PIAS2: variants seen among roughly 807,000 people sequenced by gnomAD.
PIAS2 encodes protein inhibitor of activated STAT 2, also known as E3 SUMO-protein ligase PIAS2.
A neutral mutation model predicts 69.7 loss-of-function variants in PIAS2; 19 were observed. The observed-to-expected ratio is 0.27, with a 90% CI of 0.19 to 0.40. The LOEUF (loss-of-function observed/expected upper bound fraction) is 0.40. Ranked by LOEUF, PIAS2 falls within the 10% of genes least tolerant of loss-of-function variation. PIAS2 has a pLI of 1.00. For missense variants in PIAS2, 624 were observed against 757.0 expected, an observed-to-expected ratio of 0.82 and a Z score of 2.06; for synonymous variants, 261 against 263.2, an observed-to-expected ratio of 0.99 and a Z score of 0.08.
At chr18:46,913,772 A>G (rs1484498871) in intron 1 of PIAS2, among the ~76,000 whole-genome samples, 2 of 151,912 alleles carry the variant, frequency 1.3e-5, no homozygotes, top group Admixed American at 1.3e-4. Flanking sequence ...CAGAAACTCA[A>G]CTCCTGCTCT....
intron 1 of PIAS2, among the ~76,000 whole-genome samples, chr18:46,894,570 A>T (rs2054557730): frequency 6.6e-6 from 1 of 152,226 alleles, no homozygotes; most frequent in South Asian, 2.1e-4. Context: ...ATGTGTTGGC[A>T]TAATTAATTG....
At chr18:46,866,908 C>T (rs72909195) in intron 2 of PIAS2, among the ~76,000 whole-genome samples, 7,054 of 152,262 alleles carry the variant, frequency 0.046, 190 homozygotes, top group Non-Finnish European at 0.065. Context: ...TCTGTGAATT[C>T]ACGAATATAA....
chr18:46,864,134 T>C (rs1355258088), intron 3 of PIAS2, 30 bp downstream of exon 3: 1 of 1,281,082 alleles, frequency 7.8e-7, no homozygotes, highest in Non-Finnish European at 1.1e-6. Context: ...CCAATATTCA[T>C]GAGAAATATA....
In PIAS2 at chr18:46,828,014, G is replaced by A. The variant is rs2043057531; in HGVS notation, c.1453C>T (p.Pro485Ser). Residue 485 changes from proline (P) to serine (S), a missense_variant, in exon 11 of 14, where the codon CCT becomes TCT. Pro to Ser is a moderately conservative substitution (Grantham distance 74). Coordinates refer to ENST00000585916, the MANE Select transcript of PIAS2 (RefSeq NM_004671.5). The stretch of plus-strand genomic sequence containing the variant: ...ATAAAGATGCATTTCCTTTTGGCAG[G>A]AGGGTCTTCCTCTTCGTCAGAAGAG... ...ESSSDEEEDP[P>S]AKRKCIFMSE... 1 of 1,613,790 alleles carries A rather than the reference G, an allele frequency of 6.2e-7. No individual in the cohort carries two copies. The highest frequency in any genetic ancestry group is 1.3e-5 in the African/African-American group (1 of 74,904).
intron 13 of PIAS2, among the ~76,000 whole-genome samples, chr18:46,814,211 C>G (rs891639404): frequency 3.3e-5 from 5 of 152,118 alleles, no homozygotes; most frequent in African/African-American, 1.2e-4. Context: ...ATATGGAGGT[C>G]AAGTAGTAAA....
intron 3 of PIAS2, among the ~76,000 whole-genome samples, chr18:46,859,560 T>C (rs1462445932): frequency 6.6e-6 from 1 of 151,440 alleles, no homozygotes; most frequent in Non-Finnish European, 1.5e-5. Flanking sequence ...AAACGAGTAA[T>C]GCAGAAGGAA....
intron 6 of PIAS2, 41 bp from the exon 7 acceptor site, chr18:46,844,880 T>C: frequency 4.0e-6 from 3 of 750,048 alleles, no homozygotes; most frequent in Non-Finnish European, 4.2e-6. Flanking sequence ...AGATGAGAGA[T>C]AATATTCTCT....
At chr18:46,916,894 A>T (rs1291968120) in intron 1 of PIAS2, 12 of 985,400 alleles carry the variant, frequency 1.2e-5, no homozygotes. Flanking sequence ...CAGCTTTCAG[A>T]AAACAGTCCT....
At chr18:46,817,762 G>A (rs2041714706) in intron 12 of PIAS2, 3 of 949,656 alleles carry the variant, frequency 3.2e-6, no homozygotes, top group Admixed American at 6.2e-5. Flanking sequence ...TTTTTCTCAA[G>A]TACTAACAGT....
chr18:46,894,196 C>T (rs1323806073), intron 1 of PIAS2, among the ~76,000 whole-genome samples: 1 of 152,186 alleles, frequency 6.6e-6, no homozygotes, highest in East Asian at 1.9e-4. Context: ...AAGCAGCTTA[C>T]TAAGTAAAAT....
rs1470000936 is a variant in PIAS2 at position 46,806,758 on chromosome 18, A to G, written c.*5675T>C. On this transcript the variant is annotated 3_prime_UTR_variant, in exon 14 of 14. Transcript: ENST00000585916. ...CACGTGTACTTACAAAACACTCTAAACATTTATTAAACAGTTTGATGAAGG... is the reference window on the plus strand; with the variant it reads ...CACGTGTACTTACAAAACACTCTAAGCATTTATTAAACAGTTTGATGAAGG... 6.6e-6 allele frequency: 1 copy of G among 152,134 alleles called. No homozygotes were observed. Among genetic ancestry groups the G allele is most frequent in the Non-Finnish European group, 1.5e-5 (1 of 68,020 alleles). 9.4% of individuals were successfully genotyped at this position (152,134 alleles called of 1,614,324 possible). A position where few individuals can be genotyped will look rare whatever the true frequency, so the allele number is the denominator to read the frequency against.
chr18:46,917,581 C>CCGCCTTCCGCCCG (rs2058135614), upstream of PIAS2: 1 of 1,060,788 alleles, frequency 9.4e-7, no homozygotes, highest in South Asian at 4.5e-5. Context: ...ACCCGCGCGA[C>CCGCCTTCCGCCCG]CGCCTTCCGC....
At chr18:46,827,864 C>T (rs943508393) in intron 11 of PIAS2, 95 bp downstream of exon 11, 2 of 1,086,224 alleles carry the variant, frequency 1.8e-6, no homozygotes, top group African/African-American at 1.6e-5. Flanking sequence ...TAGCCTTCTA[C>T]AGTTATGCCA....
chr18:46,869,978 C>A (rs1318000525), intron 2 of PIAS2, among the ~76,000 whole-genome samples: 1 of 152,096 alleles, frequency 6.6e-6, no homozygotes, highest in Non-Finnish European at 1.5e-5. Flanking sequence ...AAACAATCCA[C>A]CAATGTATGA....
chr18:46,919,963 A>G, upstream of PIAS2: 1 of 781,702 alleles, frequency 1.3e-6, no homozygotes, highest in Admixed American at 2.3e-5. Flanking sequence ...ATAGAGTACA[A>G]TACAGCCCTG....
At chr18:46,824,775 G>A (rs551331561) in intron 11 of PIAS2, among the ~76,000 whole-genome samples, 26 of 151,908 alleles carry the variant, frequency 1.7e-4, no homozygotes, top group African/African-American at 5.8e-4. Flanking sequence ...GGCCAAGACA[G>A]GTGGATGGCT....
intron 8 of PIAS2, among the ~76,000 whole-genome samples, chr18:46,842,087 G>A (rs903651051): frequency 5.9e-5 from 9 of 152,052 alleles, no homozygotes; most frequent in African/African-American, 1.9e-4. Context: ...TTAGCCAGGT[G>A]TGGTGGCGTG....
At chr18:46,836,594 G>A in intron 8 of PIAS2, 77 bp from the exon 9 acceptor site, 2 of 949,514 alleles carry the variant, frequency 2.1e-6, no homozygotes, top group South Asian at 4.1e-5. Flanking sequence ...AGTTGTAAAA[G>A]TCGGAAGATG....
chr18:46,817,871 CTT>C (rs1439282122), intron 12 of PIAS2: 5 of 973,688 alleles, frequency 5.1e-6, no homozygotes, highest in Non-Finnish European at 4.9e-6. Context: ...TATTAAAACT[CTT>C]ATATAAAATC....
Sources: gnomAD v4.1 joint callset for allele counts (sites outside exome capture counted in the v4.1 genomes callset) on GRCh38, gnomAD v4.1.1 for gene constraint, MANE v1.5 for transcripts, NCBI Gene and HGNC (gene_info 2026-07-23, HGNC 2026-07-21) for gene names.